The following FSTL5 variants were observed in gnomAD, a reference collection of about 807,000 sequenced individuals.
FSTL5 encodes follistatin like 5, also known as follistatin-related protein 5.
Under a neutral mutation model 89.1 loss-of-function variants are expected in FSTL5, and 62 were observed. The observed-to-expected ratio is 0.70, with a 90% CI of 0.57 to 0.86. The LOEUF is 0.86. FSTL5 is among the 40% of genes least tolerant of loss of function. FSTL5 has a pLI of 0.00. For synonymous variants in FSTL5, 383 were observed against 346.2 expected (o/e 1.11, Z -1.18); for missense variants, 1,057 against 1,001.6 (o/e 1.06, Z -0.75).
intron 7 of FSTL5, 54 bp from the exon 8 acceptor site, chr4:161,587,629 T>C: frequency 6.9e-7 from 1 of 1,444,608 alleles, no homozygotes; most frequent in African/African-American, 1.4e-5. Context: ...ATTGTAACAA[T>C]TTCAATTTTT....
chr4:161,439,967 G>C (rs1289281021), intron 15 of FSTL5, among the ~76,000 whole-genome samples: 1 of 152,094 alleles, frequency 6.6e-6, no homozygotes, highest in Admixed American at 6.6e-5. Flanking sequence ...TTTTCTGTAA[G>C]TAATTGAGAA....
At chr4:161,844,637 C>T (rs1353851160) in intron 4 of FSTL5, among the ~76,000 whole-genome samples, 2 of 152,100 alleles carry the variant, frequency 1.3e-5, no homozygotes, top group Non-Finnish European at 2.9e-5. Flanking sequence ...TGTCCTTTTG[C>T]AGGGACATGG....
intron 4 of FSTL5, among the ~76,000 whole-genome samples, chr4:161,790,253 T>C (rs1042863861): frequency 2.6e-5 from 4 of 152,234 alleles, no homozygotes; most frequent in Admixed American, 2.0e-4. Flanking sequence ...TCTAACATGG[T>C]AGTTAAGACT....
chr4:161,393,880 A>C (rs1444488188), intron 15 of FSTL5, among the ~76,000 whole-genome samples: 1 of 152,126 alleles, frequency 6.6e-6, no homozygotes, highest in Non-Finnish European at 1.5e-5. Context: ...ACTCCTTGCA[A>C]TCTCCAGTCA....
At chr4:161,762,355 A>C (rs910272146) in intron 5 of FSTL5, among the ~76,000 whole-genome samples, 8 of 152,136 alleles carry the variant, frequency 5.3e-5, no homozygotes, top group Admixed American at 3.3e-4. Context: ...TCCTCAGTCC[A>C]CAGTAACCAC....
intron 6 of FSTL5, among the ~76,000 whole-genome samples, chr4:161,725,860 G>T (rs1259731994): frequency 6.6e-6 from 1 of 152,064 alleles, no homozygotes; most frequent in East Asian, 1.9e-4. Flanking sequence ...AAGTAATTGC[G>T]GTTTTTGCCA....
intron 8 of FSTL5, among the ~76,000 whole-genome samples, chr4:161,580,790 G>A (rs1344596568): frequency 6.6e-6 from 1 of 152,128 alleles, no homozygotes; most frequent in East Asian, 1.9e-4. Context: ...TTGTGGTTTT[G>A]CCATTAAAAG....
intron 2 of FSTL5, among the ~76,000 whole-genome samples, chr4:162,036,066 A>C (rs921660099): frequency 5.3e-5 from 8 of 151,996 alleles, no homozygotes; most frequent in African/African-American, 1.9e-4. Context: ...TGTCCTAGGC[A>C]TTGAGGTCTT....
Position 162,158,935 on chromosome 4 carries a change from A to G in FSTL5, c.-17+4680T>C, listed in dbSNP as rs373490302. Among the ~76,000 whole-genome samples the G allele has an allele frequency of 2.3e-4, 35 of 152,156 alleles. 1 individual carries two copies. The South Asian group carries it at 7.3e-3, about 32-fold the overall frequency. On this transcript the variant is annotated intron_variant, in intron 1 of 15. Coordinates refer to ENST00000306100, the MANE Select transcript of FSTL5 (RefSeq NM_020116.5). ...GCAACAAATGTCTTTACTAGTACCAACTCACTGCTTCTTTTTCTTTAGAAA... is the reference window on the plus strand; with the variant it reads ...GCAACAAATGTCTTTACTAGTACCAGCTCACTGCTTCTTTTTCTTTAGAAA...
chr4:162,028,902 T>G (rs1737402874), intron 3 of FSTL5, among the ~76,000 whole-genome samples: 1 of 152,132 alleles, frequency 6.6e-6, no homozygotes, highest in South Asian at 2.1e-4. Context: ...TGAGCCAACC[T>G]CAGAAACTGT....
intron 3 of FSTL5, among the ~76,000 whole-genome samples, chr4:162,001,024 T>C (rs566715631): frequency 1.8e-4 from 28 of 152,356 alleles, no homozygotes; most frequent in African/African-American, 5.8e-4. Context: ...GATCCAGATC[T>C]ATTAAAAACT....
chr4:161,857,459 C>T (rs991414673), intron 4 of FSTL5, among the ~76,000 whole-genome samples: 50 of 152,220 alleles, frequency 3.3e-4, no homozygotes, highest in African/African-American at 1.2e-3. Context: ...TTCTTAACTG[C>T]TACATTATAC....
At chr4:161,849,718 T>C (rs988687804) in intron 4 of FSTL5, among the ~76,000 whole-genome samples, 6 of 152,118 alleles carry the variant, frequency 3.9e-5, no homozygotes, top group Non-Finnish European at 8.8e-5. Flanking sequence ...AGAGACTGAA[T>C]ATGAGACAAA....
intron 7 of FSTL5, among the ~76,000 whole-genome samples, chr4:161,614,948 G>T (rs1167022873): frequency 6.6e-6 from 1 of 152,054 alleles, no homozygotes; most frequent in African/African-American, 2.4e-5. Flanking sequence ...TGAGATGACA[G>T]AAACTGTAAT....
chr4:162,098,748 G>A (rs1730868242), intron 2 of FSTL5, among the ~76,000 whole-genome samples: 1 of 151,994 alleles, frequency 6.6e-6, no homozygotes, highest in African/African-American at 2.4e-5. Context: ...AGAACATAAT[G>A]AGAGTCCAGA....
At chr4:161,793,752 G>A (rs564602809) in intron 4 of FSTL5, among the ~76,000 whole-genome samples, 1 of 152,136 alleles carries the variant, frequency 6.6e-6, no homozygotes, top group East Asian at 1.9e-4. Flanking sequence ...GGGACTACAG[G>A]TGCGTGCCAC....
intron 6 of FSTL5, among the ~76,000 whole-genome samples, chr4:161,706,579 G>A (rs1431631898): frequency 6.6e-6 from 1 of 151,996 alleles, no homozygotes; most frequent in African/African-American, 2.4e-5. Flanking sequence ...AGTGAAAGCT[G>A]TTACAGGATA....
chr4:161,680,629 T>A (rs1473646508), intron 6 of FSTL5, among the ~76,000 whole-genome samples: 1 of 150,194 alleles, frequency 6.7e-6, no homozygotes, highest in African/African-American at 2.4e-5. Flanking sequence ...CTTAAGAGAT[T>A]AGAGTTTGCT....
At chr4:162,128,283 T>C (rs978831845) in intron 1 of FSTL5, among the ~76,000 whole-genome samples, 9 of 152,196 alleles carry the variant, frequency 5.9e-5, no homozygotes, top group Non-Finnish European at 1.5e-5. Flanking sequence ...CAAGTTTTCA[T>C]CAGAAGTTTT....
Sources: gnomAD v4.1 joint callset for allele counts (sites outside exome capture counted in the v4.1 genomes callset) on GRCh38, gnomAD v4.1.1 for gene constraint, MANE v1.5 for transcripts, NCBI Gene and HGNC (gene_info 2026-07-23, HGNC 2026-07-21) for gene names.